Variants in NRG1 observed in about 807,000 individuals in gnomAD.
NRG1 encodes pro-neuregulin-1, membrane-bound isoform.
Under a neutral mutation model 63.8 loss-of-function variants are expected in NRG1, and 18 were observed. The observed-to-expected ratio is 0.28, with a 90% CI of 0.19 to 0.42. The LOEUF is 0.42. Ranked by LOEUF, NRG1 falls within the 10% of genes least tolerant of loss-of-function variation. NRG1 has a pLI of 1.00. For synonymous variants in NRG1, 302 were observed against 301.3 expected (o/e 1.00, Z -0.02); for missense variants, 762 against 814.7 (o/e 0.94, Z 0.79).
At chr8:32,392,376 A>G (rs1483565503) in intron 1 of NRG1, among the ~76,000 whole-genome samples, 1 of 152,244 alleles carries the variant, frequency 6.6e-6, no homozygotes, top group Non-Finnish European at 1.5e-5. Context: ...TAATTTTGGC[A>G]TATAGCTCAT....
chr8:32,221,455 G>A (rs1481765), intron 1 of NRG1, among the ~76,000 whole-genome samples: 36,377 of 152,042 alleles, frequency 0.24, 8,507 homozygotes, highest in African/African-American at 0.61. Context: ...GATTTAACTC[G>A]CATATTCAGA....
chr8:32,623,954 A>C (rs1164930650), intron 5 of NRG1, among the ~76,000 whole-genome samples: 1 of 152,134 alleles, frequency 6.6e-6, no homozygotes, highest in Non-Finnish European at 1.5e-5. Context: ...ATGTGTGTGC[A>C]TGTGTGTGTA....
chr8:32,544,532 TCTCA>T (rs1832883356), upstream of NRG1, among the ~76,000 whole-genome samples: 1 of 151,178 alleles, frequency 6.6e-6, no homozygotes, highest in Admixed American at 6.6e-5. Context: ...TGAGACAGGG[TCTCA>T]CTGTCACCCA....
At chr8:32,549,296 G>A (rs1278096040) in intron 1 of NRG1, among the ~76,000 whole-genome samples, 2 of 152,244 alleles carry the variant, frequency 1.3e-5, no homozygotes, top group Non-Finnish European at 2.9e-5. Flanking sequence ...GCCTGGCAGC[G>A]CAGAAGTGGG....
rs564063470 is a variant in NRG1, at chr8:32,551,186, T to C, written c.100+2360T>C. 7.2e-5 allele frequency among the ~76,000 whole-genome samples: 11 copies of C among 152,268 alleles called. No homozygotes were observed. The East Asian group carries it at 1.9e-3, about 27-fold the overall frequency. ...TGGTTTGTGAGAAAAACCCACACTC[T>C]AGGTTTCAGGCATTCCCAAAGGAAC... On this transcript the variant is annotated intron_variant, in intron 1 of 11. Transcript: ENST00000356819.
At chr8:32,675,773 T>A (rs1484545637) in intron 5 of NRG1, among the ~76,000 whole-genome samples, 5 of 152,188 alleles carry the variant, frequency 3.3e-5, no homozygotes, top group Non-Finnish European at 7.3e-5. Context: ...AAACACGCAT[T>A]TATAAGGCAG....
intron 5 of NRG1, among the ~76,000 whole-genome samples, chr8:32,697,763 A>G (rs920851617): frequency 2.0e-5 from 3 of 152,270 alleles, no homozygotes; most frequent in Non-Finnish European, 2.9e-5. Flanking sequence ...TTGCAGAAGC[A>G]GATAAGATTT....
At chr8:31,842,886 A>G (rs1826322990) in intron 1 of NRG1, among the ~76,000 whole-genome samples, 1 of 152,140 alleles carries the variant, frequency 6.6e-6, no homozygotes. Context: ...TTTCTTGTGG[A>G]CCAGCAGCTG....
intron 1 of NRG1, among the ~76,000 whole-genome samples, chr8:32,552,994 T>G (rs1834438013): frequency 6.6e-6 from 1 of 152,238 alleles, no homozygotes; most frequent in Admixed American, 6.5e-5. Flanking sequence ...ATTGTGTATT[T>G]TGTCATCCGT....
At chr8:32,100,757 T>C (rs1270481802) in intron 1 of NRG1, among the ~76,000 whole-genome samples, 1 of 152,152 alleles carries the variant, frequency 6.6e-6, no homozygotes, top group African/African-American at 2.4e-5. Context: ...TGATAAAATG[T>C]ATTCTAAATC....
At chr8:31,670,331 G>A (rs1024804916) in intron 1 of NRG1, among the ~76,000 whole-genome samples, 2 of 152,020 alleles carry the variant, frequency 1.3e-5, no homozygotes, top group Non-Finnish European at 2.9e-5. Flanking sequence ...CAATCCCTGA[G>A]CTCCTACACT....
chr8:32,309,320 C>A (rs767196745), intron 1 of NRG1, among the ~76,000 whole-genome samples: 2 of 152,112 alleles, frequency 1.3e-5, no homozygotes, highest in Non-Finnish European at 2.9e-5. Flanking sequence ...TACACCCCCC[C>A]ACCCCAAATA....
At chr8:32,710,504 A>G (rs1266055344) in intron 5 of NRG1, among the ~76,000 whole-genome samples, 10 of 152,162 alleles carry the variant, frequency 6.6e-5, no homozygotes, top group Non-Finnish European at 1.0e-4. Flanking sequence ...ATAACTCAGC[A>G]TATTTATATT....
At chr8:32,106,537 T>G (rs1453898308) in intron 1 of NRG1, among the ~76,000 whole-genome samples, 1 of 152,190 alleles carries the variant, frequency 6.6e-6, no homozygotes, top group East Asian at 1.9e-4. Context: ...TTGGAATCAG[T>G]GCCTTAAATT....
chr8:31,794,566 A>G (rs1458635789), intron 1 of NRG1, among the ~76,000 whole-genome samples: 1 of 151,880 alleles, frequency 6.6e-6, no homozygotes, highest in African/African-American at 2.4e-5. Context: ...TAGAATAGTA[A>G]AGATGAATGT....
At chr8:32,317,034 TG>T (rs1222936851) in intron 1 of NRG1, among the ~76,000 whole-genome samples, 4 of 152,174 alleles carry the variant, frequency 2.6e-5, no homozygotes, top group African/African-American at 9.7e-5. Flanking sequence ...AATTATATAT[TG>T]TTTGTCCAAA....
intron 1 of NRG1, among the ~76,000 whole-genome samples, chr8:31,797,996 G>A (rs564693013): frequency 6.6e-6 from 1 of 152,230 alleles, no homozygotes; most frequent in East Asian, 1.9e-4. Context: ...GCTCATAGTA[G>A]TAGAGAGTAG....
intron 1 of NRG1, among the ~76,000 whole-genome samples, chr8:31,933,971 A>G (rs909896913): frequency 1.3e-5 from 2 of 148,390 alleles, no homozygotes; most frequent in Non-Finnish European, 3.0e-5. Context: ...CCTGATCACT[A>G]GAATACATTT....
Position 32,517,627 on chromosome 8 carries a change from T to C in NRG1, c.38-78201T>C, listed in dbSNP as rs373165210. On this transcript the variant is annotated intron_variant, in intron 1 of 10. Transcript: ENST00000519301. The stretch of plus-strand genomic sequence containing the variant: ...CAGCTCTACGAAATATACAAAAAAG[T>C]TAAGCATATAGCCTATGCTTTTGAA... Among the ~76,000 whole-genome samples the C allele has an allele frequency of 3.7e-4, 57 of 152,318 alleles. 1 individual carries two copies. In the East Asian group the frequency reaches 6.6e-3, roughly 18 times the overall value.
Sources: gnomAD v4.1 joint callset for allele counts (sites outside exome capture counted in the v4.1 genomes callset) on GRCh38, gnomAD v4.1.1 for gene constraint, MANE v1.5 for transcripts, NCBI Gene and HGNC (gene_info 2026-07-23, HGNC 2026-07-21) for gene names.